The following NLGN1 variants were observed in gnomAD, a reference collection of about 807,000 sequenced individuals.
The protein encoded by NLGN1 is neuroligin-1.
Under a neutral mutation model 65.5 loss-of-function variants are expected in NLGN1, and 12 were observed. The observed-to-expected ratio is 0.18, with a 90% CI of 0.12 to 0.30. The LOEUF is 0.30. NLGN1 is among the 10% of genes least tolerant of loss of function. The pLI, the probability that NLGN1 is intolerant of heterozygous loss-of-function variation, is 1.00. For synonymous variants in NLGN1, 350 were observed against 359.5 expected (o/e 0.97, Z 0.30); for missense variants, 750 against 1,007.1 (o/e 0.74, Z 3.46).
intron 4 of NLGN1, among the ~76,000 whole-genome samples, chr3:174,025,763 A>G (rs1255711483): frequency 6.6e-6 from 1 of 152,230 alleles, no homozygotes; most frequent in Non-Finnish European, 1.5e-5. Flanking sequence ...ATAGGAAAGT[A>G]AACTGGATTA....
At chr3:174,095,833 C>G (rs946110441) in intron 4 of NLGN1, among the ~76,000 whole-genome samples, 1 of 151,814 alleles carries the variant, frequency 6.6e-6, no homozygotes, top group Admixed American at 6.6e-5. Flanking sequence ...AACCCCATCT[C>G]TACTAAAAAT....
chr3:174,100,837 T>C (rs150423955), intron 4 of NLGN1, among the ~76,000 whole-genome samples: 136 of 152,108 alleles, frequency 8.9e-4, no homozygotes, highest in African/African-American at 3.2e-3. Flanking sequence ...CCAGAGAAAG[T>C]CTCAATTTAT....
chr3:174,079,816 A>G (rs1178647901), intron 4 of NLGN1, among the ~76,000 whole-genome samples: 2 of 152,168 alleles, frequency 1.3e-5, no homozygotes, highest in Admixed American at 6.5e-5. Flanking sequence ...GTTCTCACTT[A>G]TAAGTGGCAG....
chr3:174,017,157 G>A (rs552869718), intron 4 of NLGN1, among the ~76,000 whole-genome samples: 1 of 152,208 alleles, frequency 6.6e-6, no homozygotes, highest in South Asian at 2.1e-4. Flanking sequence ...TTTGAAAGAT[G>A]AATGTAGTTA....
intron 2 of NLGN1, among the ~76,000 whole-genome samples, chr3:173,564,037 CT>C (rs1743223837): frequency 6.6e-6 from 1 of 152,246 alleles, no homozygotes; most frequent in African/African-American, 2.4e-5. Flanking sequence ...CCCTTACTAC[CT>C]GTCAGTGCCG....
At chr3:173,448,429 A>G (rs571785416) in intron 2 of NLGN1, among the ~76,000 whole-genome samples, 4 of 152,316 alleles carry the variant, frequency 2.6e-5, no homozygotes, top group African/African-American at 9.6e-5. Flanking sequence ...ATCATGGTGG[A>G]TAAGCTTTTT....
chr3:173,703,114 T>C (rs1189990117), intron 3 of NLGN1, among the ~76,000 whole-genome samples: 1 of 151,392 alleles, frequency 6.6e-6, no homozygotes, highest in African/African-American at 2.4e-5. Flanking sequence ...ACACTACCAA[T>C]AACTTCAACC....
At chr3:173,954,186 C>T (rs1056170326) in intron 4 of NLGN1, among the ~76,000 whole-genome samples, 2 of 152,162 alleles carry the variant, frequency 1.3e-5, no homozygotes, top group African/African-American at 4.8e-5. Flanking sequence ...ATCTGTACCA[C>T]TAACCCTCAA....
intron 4 of NLGN1, among the ~76,000 whole-genome samples, chr3:173,945,803 C>T (rs1259201344): frequency 1.3e-5 from 2 of 152,154 alleles, no homozygotes; most frequent in East Asian, 1.9e-4. Context: ...TCCTACTCTT[C>T]CTAATTAGCT....
chr3:173,437,210 T>A (rs1365417366), intron 2 of NLGN1, among the ~76,000 whole-genome samples: 1 of 152,222 alleles, frequency 6.6e-6, no homozygotes, highest in Non-Finnish European at 1.5e-5. Flanking sequence ...TGTTGCTTCC[T>A]CCTGCTCTTT....
Position 174,247,469 on chromosome 3 carries a change from C to T in NLGN1, c.647-27846C>T, listed in dbSNP as rs376804092. On this transcript the variant is annotated intron_variant, in intron 4 of 6. Coordinates refer to ENST00000457714, the Ensembl canonical transcript of NLGN1. ...AAGAGTCTGTCTCTCAAAACTCTTC[C>T]GAAGAGCCTTTTAACAGGTCTTTCT... is the stretch of plus-strand genomic sequence containing the variant. Among the ~76,000 whole-genome samples the T allele has an allele frequency of 6.9e-4, 105 of 152,224 alleles. 2 individuals carry two copies. The highest frequency in any genetic ancestry group is 5.8e-3 in the South Asian group (28 of 4,826).
chr3:173,601,520 T>A (rs1273505610), intron 2 of NLGN1, among the ~76,000 whole-genome samples: 1 of 152,044 alleles, frequency 6.6e-6, no homozygotes, highest in Non-Finnish European at 1.5e-5. Context: ...GTACCTAATT[T>A]TCTGTGACTT....
intron 4 of NLGN1, among the ~76,000 whole-genome samples, chr3:173,918,419 G>A (rs1394250116): frequency 3.3e-5 from 5 of 151,922 alleles, no homozygotes; most frequent in African/African-American, 1.2e-4. Flanking sequence ...GGCAGATCAC[G>A]AGGTCAGGAG....
At chr3:173,775,121 AC>A (rs549364909) in intron 3 of NLGN1, among the ~76,000 whole-genome samples, 189 of 152,284 alleles carry the variant, frequency 1.2e-3, no homozygotes, top group African/African-American at 4.4e-3. Context: ...GCAAATTAGT[AC>A]AATCAAATAT....
At chr3:173,504,438 T>C (rs1731659810) in intron 2 of NLGN1, among the ~76,000 whole-genome samples, 1 of 152,112 alleles carries the variant, frequency 6.6e-6, no homozygotes, top group South Asian at 2.1e-4. Flanking sequence ...CAGATTTACA[T>C]TTTCAACGTC....
rs532479994 is a variant in NLGN1 at position 173,954,050 on chromosome 3, A to G, written c.646+146218A>G. On this transcript the variant is annotated intron_variant, in intron 4 of 6. Transcript: ENST00000457714. Reference sequence around the variant, plus strand: ...TGAGGTATCTGAGAGACATTTTACCACTACAAATGGTAAATATGGAAATAA... The same window carrying G: ...TGAGGTATCTGAGAGACATTTTACCGCTACAAATGGTAAATATGGAAATAA... Among the ~76,000 whole-genome samples, 5 of 152,284 alleles carry G rather than the reference A, an allele frequency of 3.3e-5. No homozygotes were observed. In the South Asian group the frequency reaches 8.3e-4, roughly 25 times the overall value.
rs529886882 is a variant in NLGN1, at chr3:174,025,795, A to C, written c.646+217963A>C. On this transcript the variant is annotated intron_variant, in intron 4 of 6. Transcript: ENST00000457714. ...ATTAGCTATTCCGGAAATGATTGTCACTGTAGAGATGTATTTATATGGCAG... is the reference window on the plus strand; with the variant it reads ...ATTAGCTATTCCGGAAATGATTGTCCCTGTAGAGATGTATTTATATGGCAG... Among the ~76,000 whole-genome samples, 8 of 152,304 alleles carry C rather than the reference A, an allele frequency of 5.3e-5. No individual in the cohort carries two copies. The East Asian group carries it at 1.4e-3, about 26-fold the overall frequency.
chr3:174,075,792 G>A (rs115499910), intron 4 of NLGN1, among the ~76,000 whole-genome samples: 1,597 of 152,300 alleles, frequency 0.01, 22 homozygotes, highest in African/African-American at 0.034. Context: ...GAGCATGCCA[G>A]TATTTAGATA....
rs1312448569 is a variant in NLGN1, at chr3:173,596,534, C to T, written c.-320-7745C>T. ...TCTGTTACAAGAAGATGATAATGATCTCTACCTCATGGTACTTAGAGACAA... is the reference window on the plus strand; with the variant it reads ...TCTGTTACAAGAAGATGATAATGATTTCTACCTCATGGTACTTAGAGACAA... On this transcript the variant is annotated intron_variant, in intron 2 of 6. Transcript: ENST00000457714. 3.3e-5 allele frequency among the ~76,000 whole-genome samples: 5 copies of T among 152,214 alleles called. No homozygotes were observed. In the East Asian group the frequency reaches 7.7e-4, roughly 23 times the overall value.
Sources: gnomAD v4.1 joint callset for allele counts (sites outside exome capture counted in the v4.1 genomes callset) on GRCh38, gnomAD v4.1.1 for gene constraint, MANE v1.5 for transcripts, NCBI Gene and HGNC (gene_info 2026-07-23, HGNC 2026-07-21) for gene names.